The following KLHL6 variants were observed in gnomAD, a reference collection of about 807,000 sequenced individuals.
KLHL6 encodes the protein kelch-like protein 6.
Under a neutral mutation model 58.6 loss-of-function variants are expected in KLHL6, and 41 were observed. The observed-to-expected ratio is 0.70, with a 90% CI of 0.55 to 0.91. KLHL6 has a LOEUF of 0.91. Among genes scored for constraint, KLHL6 ranks in the 40% least tolerant of loss-of-function variants. The pLI, the probability that KLHL6 is intolerant of heterozygous loss-of-function variation, is 0.00. For synonymous variants in KLHL6, 338 were observed against 322.7 expected, an observed-to-expected ratio of 1.05 and a Z score of -0.51; for missense variants, 714 against 805.6, an observed-to-expected ratio of 0.89 and a Z score of 1.38.
rs191020377 is a variant in KLHL6 at position 183,490,724 on chromosome 3, G to A, written c.*1203C>T. 6.6e-6 allele frequency: 1 copy of A among 151,526 alleles called. No homozygotes were observed. Among genetic ancestry groups the A allele is most frequent in the African/African-American group, 2.4e-5 (1 of 41,256 alleles). The allele number at this position is 151,526 out of a possible 1,614,324, so 9.4% of individuals were successfully genotyped here. On this transcript the variant is annotated 3_prime_UTR_variant, in exon 7 of 7. Coordinates refer to ENST00000341319, the MANE Select transcript of KLHL6 (RefSeq NM_130446.4). The stretch of plus-strand genomic sequence containing the variant: ...GGAGGCTGAGGCAGGAAAATCACTT[G>A]AACCAGGGTGACAGAGGTTGCAGTG...
At chr3:183,542,846 G>T (rs573435641) in intron 1 of KLHL6, among the ~76,000 whole-genome samples, 1 of 146,656 alleles carries the variant, frequency 6.8e-6, no homozygotes, top group Admixed American at 6.9e-5. Context: ...TGTGTCAAAT[G>T]GATGGATACA....
chr3:183,544,625 C>G (rs577305334), intron 1 of KLHL6: 1 of 152,150 alleles, frequency 6.6e-6, no homozygotes. Context: ...CAGCATCTCT[C>G]CATATCGGGA....
intron 1 of KLHL6, among the ~76,000 whole-genome samples, chr3:183,534,829 A>G (rs1335948988): frequency 1.3e-5 from 2 of 151,816 alleles, no homozygotes; most frequent in Non-Finnish European, 2.9e-5. Context: ...TAATGCGATA[A>G]CTTACATTCT....
chr3:183,528,135 G>T, intron 1 of KLHL6, 125 bp from the exon 2 acceptor site: 1 of 1,022,516 alleles, frequency 9.8e-7, no homozygotes, highest in Non-Finnish European at 1.5e-6. Context: ...GTCCTGGGCT[G>T]GTGGCTCTCT....
intron 1 of KLHL6, among the ~76,000 whole-genome samples, chr3:183,554,372 G>A (rs995212751): frequency 4.6e-5 from 7 of 152,116 alleles, no homozygotes; most frequent in African/African-American, 1.4e-4. Flanking sequence ...CCCTTTTCAC[G>A]CTCTTGTTTA....
At position 183,523,299 on chromosome 3, in the gene KLHL6, C is replaced by T. The variant is rs190373908; in HGVS notation, c.459+4546G>A. On this transcript the variant is annotated intron_variant, in intron 2 of 6. Coordinates refer to ENST00000341319, the MANE Select transcript of KLHL6 (RefSeq NM_130446.4). ...ACTGACCACGTGGCTGTCTCATCTG[C>T]ATTAGCCTCATGCGCATTCATCCTA... Among the ~76,000 whole-genome samples, 298 of 152,354 alleles carry T rather than the reference C, an allele frequency of 2.0e-3. 1 individual carries two copies. The highest frequency in any genetic ancestry group is 0.017 in the Middle Eastern group (5 of 294).
At position 183,513,752 on chromosome 3, in the gene KLHL6, A is replaced by T. The variant is rs565909870; in HGVS notation, c.460-5244T>A. On this transcript the variant is annotated intron_variant, in intron 2 of 6. Transcript: ENST00000341319. ...TTAAATTCTGGGACACTCGTGCAGA[A>T]TGTGCAGGTTTGTTACATAGGTATA... is the stretch of plus-strand genomic sequence containing the variant. Among the ~76,000 whole-genome samples, 4 of 152,276 alleles carry T rather than the reference A, an allele frequency of 2.6e-5. No homozygotes were observed. The East Asian group carries it at 5.8e-4, about 22-fold the overall frequency.
At chr3:183,518,542 C>T (rs961710452) in intron 2 of KLHL6, among the ~76,000 whole-genome samples, 2 of 152,124 alleles carry the variant, frequency 1.3e-5, no homozygotes, top group African/African-American at 4.8e-5. Context: ...ATTTTCATTA[C>T]AATTAAAAAC....
intron 2 of KLHL6, among the ~76,000 whole-genome samples, chr3:183,519,933 AT>A (rs1711700939): frequency 6.6e-6 from 1 of 151,788 alleles, no homozygotes; most frequent in Non-Finnish European, 1.5e-5. Context: ...AAACAGAAAA[AT>A]AATAGGTTAA....
At chr3:183,519,641 C>A (rs1341559877) in intron 2 of KLHL6, among the ~76,000 whole-genome samples, 1 of 151,930 alleles carries the variant, frequency 6.6e-6, no homozygotes, top group Non-Finnish European at 1.5e-5. Flanking sequence ...AATTCCAGCA[C>A]TTTGGGAGGC....
intron 1 of KLHL6, among the ~76,000 whole-genome samples, chr3:183,545,871 G>A (rs1349796389): frequency 6.6e-6 from 1 of 152,110 alleles, no homozygotes; most frequent in Non-Finnish European, 1.5e-5. Flanking sequence ...CTTTTCTAAA[G>A]TTGCCCAATA....
intron 1 of KLHL6, among the ~76,000 whole-genome samples, chr3:183,544,977 G>A (rs1257542511): frequency 4.6e-5 from 7 of 152,042 alleles, no homozygotes; most frequent in Non-Finnish European, 5.9e-5. Context: ...TTTCCCTCCA[G>A]AGCCAAGGCT....
chr3:183,541,787 C>T (rs1712562376), intron 1 of KLHL6, among the ~76,000 whole-genome samples: 1 of 152,226 alleles, frequency 6.6e-6, no homozygotes, highest in Admixed American at 6.5e-5. Context: ...TTAATAATAG[C>T]TGTGGCTCTA....
In KLHL6 at chr3:183,508,488, G is replaced by T; in HGVS notation, c.480C>A (p.Ala160=). The T allele has an allele frequency of 1.2e-6, 2 of 1,613,772 alleles. No homozygotes were observed. Among genetic ancestry groups the T allele is most frequent in the Non-Finnish European group, 1.7e-6 (2 of 1,179,778 alleles). ...AGGCTTCAGTGAGGAAGCTGGCACA[G>T]GCATCCACCATCCGCAGGAACTGAT... The part of the protein sequence containing the change: ...NLFQFLRMVD[A]CASFLTEALN... Residue 160 remains alanine (A), a synonymous_variant, in exon 3 of 7, where the codon GCC becomes GCA. Coordinates refer to ENST00000341319, the MANE Select transcript of KLHL6 (RefSeq NM_130446.4).
intron 1 of KLHL6, among the ~76,000 whole-genome samples, chr3:183,553,024 G>A (rs929595897): frequency 1.2e-4 from 18 of 152,190 alleles, no homozygotes; most frequent in Admixed American, 9.8e-4. Flanking sequence ...CACAGTAAGC[G>A]CTCCACAAAC....
intron 1 of KLHL6, among the ~76,000 whole-genome samples, chr3:183,550,076 C>T (rs1023227111): frequency 2.0e-5 from 3 of 151,690 alleles, no homozygotes; most frequent in African/African-American, 7.3e-5. Context: ...AAAACAAGAA[C>T]AGGATGTTAT....
intron 1 of KLHL6, among the ~76,000 whole-genome samples, chr3:183,552,839 C>A (rs2108702827): frequency 6.6e-6 from 1 of 151,842 alleles, no homozygotes; most frequent in South Asian, 2.1e-4. Flanking sequence ...GAGAGTGTGT[C>A]AGATTTAACG....
intron 2 of KLHL6, 146 bp downstream of exon 2, chr3:183,527,699 C>T (rs958162719): frequency 7.3e-5 from 46 of 633,730 alleles, no homozygotes; most frequent in Non-Finnish European, 9.6e-5. Context: ...TAGGGGTGTG[C>T]GTGTGTGTGT....
rs930027555 is a variant in KLHL6, at chr3:183,489,665, C to T, written c.*2262G>A. ...GCTCATGAGTCAGCAATAGTTTGTT[C>T]TAAAATTCCACAAATATGTTTCTAT... On this transcript the variant is annotated 3_prime_UTR_variant, in exon 7 of 7. Transcript: ENST00000341319. The T allele has an allele frequency of 2.0e-5, 3 of 152,192 alleles. No individual in the cohort carries two copies. Among genetic ancestry groups the T allele is most frequent in the Admixed American group, 1.3e-4 (2 of 15,286 alleles). 9.4% of individuals were successfully genotyped at this position (152,192 alleles called of 1,614,324 possible).
Sources: allele counts gnomAD v4.1 joint callset (sites outside exome capture counted in the v4.1 genomes callset), GRCh38; gene constraint gnomAD v4.1.1; transcripts MANE v1.5; gene names NCBI Gene and HGNC (gene_info 2026-07-23, HGNC 2026-07-21).